The following PDE8B variants were observed in gnomAD, a reference collection of about 807,000 sequenced individuals.
PDE8B encodes the protein phosphodiesterase 8B.
A neutral mutation model predicts 101.3 loss-of-function variants in PDE8B; 26 were observed. The ratio of observed to expected loss-of-function variants is 0.26; its 90% CI spans 0.19 to 0.36. PDE8B has a LOEUF of 0.36. Ranked by LOEUF, PDE8B falls within the 10% of genes least tolerant of loss-of-function variation. The probability of loss-of-function intolerance (pLI) is 1.00; values close to 1 mark genes in which losing one functional copy is unlikely to be tolerated. For synonymous variants in PDE8B, 424 were observed against 429.3 expected (o/e 0.99, Z 0.15); for missense variants, 810 against 1,163.1 (o/e 0.70, Z 4.42).
At chr5:77,115,908 T>A in the PDE8B span, among the ~76,000 whole-genome samples, 1 of 152,176 alleles carries the variant, frequency 6.6e-6, no homozygotes, top group Admixed American at 6.5e-5. Context: ...CGTGAACAAT[T>A]TCATTCAAGA....
chr5:77,362,198 A>C (rs1783226226), intron 10 of PDE8B, among the ~76,000 whole-genome samples: 1 of 152,256 alleles, frequency 6.6e-6, no homozygotes, highest in Non-Finnish European at 1.5e-5. Flanking sequence ...TATTTACAGA[A>C]ACAGGTGGCC....
the PDE8B span, chr5:77,115,258 G>A: frequency 6.6e-6 from 1 of 152,198 alleles, no homozygotes; most frequent in Admixed American, 6.6e-5. Context: ...GGAGTGAGAG[G>A]AATGGACTAT....
intron 1 of PDE8B, among the ~76,000 whole-genome samples, chr5:77,252,580 A>G (rs1489582866): frequency 6.6e-6 from 1 of 152,182 alleles, no homozygotes; most frequent in Admixed American, 6.5e-5. Flanking sequence ...ATACAAGAAG[A>G]TTGGTTGCCC....
intron 6 of PDE8B, among the ~76,000 whole-genome samples, chr5:77,339,922 A>T (rs1015047093): frequency 6.6e-6 from 1 of 152,188 alleles, no homozygotes; most frequent in African/African-American, 2.4e-5. Flanking sequence ...TAACTTAAAG[A>T]TATAAGAACT....
intron 9 of PDE8B, among the ~76,000 whole-genome samples, chr5:77,352,977 T>A (rs1781441615): frequency 6.6e-6 from 1 of 152,234 alleles, no homozygotes; most frequent in South Asian, 2.1e-4. Context: ...ATTGTCCAAA[T>A]GAATCTTTTG....
At chr5:77,098,293 TAAA>T in the PDE8B span, among the ~76,000 whole-genome samples, 95 of 145,142 alleles carry the variant, frequency 6.5e-4, no homozygotes, top group African/African-American at 2.4e-3. Flanking sequence ...TTTTTTTTTT[TAAA>T]AAAAAAAAAG....
chr5:77,232,020 G>A (rs1753682694), intron 1 of PDE8B, among the ~76,000 whole-genome samples: 1 of 152,258 alleles, frequency 6.6e-6, no homozygotes. Context: ...GAGCAGGGCA[G>A]ACAGTGGATG....
the PDE8B span, among the ~76,000 whole-genome samples, chr5:77,169,013 C>A: frequency 2.0e-5 from 3 of 152,142 alleles, no homozygotes; most frequent in Non-Finnish European, 4.4e-5. Flanking sequence ...TTAGTAAAAC[C>A]AACAGAGTCT....
intron 1 of PDE8B, among the ~76,000 whole-genome samples, chr5:77,300,602 C>T (rs960346925): frequency 2.0e-5 from 3 of 152,148 alleles, no homozygotes; most frequent in Non-Finnish European, 4.4e-5. Context: ...GGTGTTGCCT[C>T]GTTGGCTTTT....
At chr5:77,243,404 T>C (rs1756182784) in intron 1 of PDE8B, among the ~76,000 whole-genome samples, 1 of 152,214 alleles carries the variant, frequency 6.6e-6, no homozygotes, top group African/African-American at 2.4e-5. Flanking sequence ...GTGTATAGTT[T>C]CATGAATTTT....
chr5:77,213,441 G>A (rs1748930189), intron 1 of PDE8B, among the ~76,000 whole-genome samples: 1 of 152,132 alleles, frequency 6.6e-6, no homozygotes, highest in Non-Finnish European at 1.5e-5. Flanking sequence ...ATATTTAATA[G>A]TATCCTTTTA....
chr5:77,395,317 G>A (rs942431023), intron 10 of PDE8B, among the ~76,000 whole-genome samples: 8 of 151,180 alleles, frequency 5.3e-5, no homozygotes, highest in South Asian at 2.1e-4. Flanking sequence ...GGGTTTCACT[G>A]TGTTAGCCAG....
chr5:77,179,604 C>T, the PDE8B span, among the ~76,000 whole-genome samples: 9 of 152,136 alleles, frequency 5.9e-5, no homozygotes, highest in African/African-American at 2.2e-4. Flanking sequence ...AGCTACCTAC[C>T]CAGATTGGAG....
chr5:77,143,791 T>G, the PDE8B span: 3 of 151,732 alleles, frequency 2.0e-5, no homozygotes, highest in African/African-American at 7.3e-5. Context: ...GTCCCCAGCT[T>G]GAAGATGAGA....
At chr5:77,188,320 C>A in the PDE8B span, among the ~76,000 whole-genome samples, 1 of 152,150 alleles carries the variant, frequency 6.6e-6, no homozygotes, top group African/African-American at 2.4e-5. Context: ...GTCAAACAGC[C>A]ATTGAACAGC....
intron 1 of PDE8B, among the ~76,000 whole-genome samples, chr5:77,273,288 A>T (rs2149789923): frequency 6.6e-6 from 1 of 152,332 alleles, no homozygotes; most frequent in East Asian, 1.9e-4. Flanking sequence ...TATCCTATCA[A>T]TTCTATCTGT....
chr5:77,193,237 T>G, the PDE8B span, among the ~76,000 whole-genome samples: 1 of 152,196 alleles, frequency 6.6e-6, no homozygotes, highest in African/African-American at 2.4e-5. Flanking sequence ...TTTAAAGAAA[T>G]CTTTGCCTAC....
At chr5:77,209,414 C>T (rs1288139328), upstream of PDE8B, among the ~76,000 whole-genome samples, 1 of 152,108 alleles carries the variant, frequency 6.6e-6, no homozygotes, top group East Asian at 1.9e-4. Flanking sequence ...CTTCTTTGTG[C>T]CTTGCATTAA....
the PDE8B span, among the ~76,000 whole-genome samples, chr5:77,123,545 C>G: frequency 2.0e-5 from 3 of 151,998 alleles, no homozygotes; most frequent in Non-Finnish European, 2.9e-5. Context: ...ATCGCTTGAG[C>G]CCAGGAATTT....
Sources: gnomAD v4.1 joint callset for allele counts (sites outside exome capture counted in the v4.1 genomes callset) on GRCh38, gnomAD v4.1.1 for gene constraint, MANE v1.5 for transcripts, NCBI Gene and HGNC (gene_info 2026-07-23, HGNC 2026-07-21) for gene names.